NOTCH1: variants seen among roughly 807,000 people sequenced by gnomAD.
NOTCH1 encodes the protein notch receptor 1.
Under a neutral mutation model 254.8 loss-of-function variants are expected in NOTCH1, and 37 were observed. The observed-to-expected ratio is 0.15, with a 90% CI of 0.11 to 0.19. NOTCH1 has a LOEUF of 0.19. Among genes scored for constraint, NOTCH1 ranks in the 10% least tolerant of loss-of-function variants. NOTCH1 has a pLI of 1.00. For synonymous variants in NOTCH1, 1,731 were observed against 1,618.1 expected, an observed-to-expected ratio of 1.07 and a Z score of -1.68; for missense variants, 2,972 against 3,708.6, an observed-to-expected ratio of 0.80 and a Z score of 5.16.
rs1843809665 is a variant in NOTCH1, at chr9:136,545,926, C to A, written c.-140G>T. ...TCTCTTCCCCGGCTGGCTGGCGGCG[C>A]TGTGCTCTCGCAGGCCCCCGGGCCC... On this transcript the variant is annotated 5_prime_UTR_variant, in exon 1 of 34. Transcript: ENST00000651671. This position sits in a 1 kb window ranked among gnomAD's most constrained non-coding sequence, Gnocchi z 6.8. The A allele has an allele frequency of 3.5e-6, 1 of 284,502 alleles. No homozygotes were observed. The highest frequency in any genetic ancestry group is 1.3e-4 in the South Asian group (1 of 7,662). The allele number at this position is 284,502 out of a possible 1,614,324, so 17.6% of individuals were successfully genotyped here. A position where few individuals can be genotyped will look rare whatever the true frequency, so the allele number is the denominator to read the frequency against.
At chr9:136,511,331 GCCA>G in intron 15 of NOTCH1, 60 bp from the exon 16 acceptor site, 2 of 1,544,844 alleles carry the variant, frequency 1.3e-6, no homozygotes, top group Admixed American at 1.9e-5. Context: ...TCCCAAATCG[GCCA>G]CCGCCTGCTG....
rs1843780050 is a variant in NOTCH1 at position 136,544,352 on chromosome 9, G to A, written c.62-250C>T. Among the ~76,000 whole-genome samples the A allele has an allele frequency of 2.0e-5, 3 of 152,336 alleles. No individual in the cohort carries two copies. In the South Asian group the frequency reaches 6.2e-4, roughly 32 times the overall value. ...GAAATGGGGGGAAGGGGAGCAGCAG[G>A]GAACACGTCCTGCTTGAAGCAGGGT... On this transcript the variant is annotated intron_variant, in intron 1 of 33. Transcript: ENST00000651671.
At chr9:136,510,065 G>T in intron 17 of NOTCH1, 104 bp from the exon 18 acceptor site, 1 of 1,129,436 alleles carries the variant, frequency 8.9e-7, no homozygotes, top group Non-Finnish European at 1.3e-6. Context: ...GCCTTTCGTT[G>T]CCGAGGCTGC....
intron 5 of NOTCH1, 81 bp from the exon 6 acceptor site, chr9:136,518,905 C>T (rs1273696655): frequency 5.5e-6 from 7 of 1,264,208 alleles, no homozygotes; most frequent in Non-Finnish European, 8.0e-6. Context: ...GGTGGCAATG[C>T]CGCCCCCTCC....
chr9:136,522,209 C>T (rs1843379721), intron 4 of NOTCH1, among the ~76,000 whole-genome samples: 2 of 152,164 alleles, frequency 1.3e-5, no homozygotes, highest in Admixed American at 1.3e-4. Context: ...CATCTCCTGA[C>T]CTTGTGATCT....
Position 136,505,303 on chromosome 9 carries a change from G to A in NOTCH1, c.4586+7C>T. On this transcript the variant is annotated splice_region_variant and intron_variant, in intron 25 of 33. Transcript: ENST00000651671. ...CTCCCTCAGCCCCATGAGCCCCGCA[G>A]CCTTACTTGCACTGGCCTTCCGCAC... 1 of 1,564,152 alleles carries A rather than the reference G, an allele frequency of 6.4e-7. No individual in the cohort carries two copies. Among genetic ancestry groups the A allele is most frequent in the Non-Finnish European group, 8.7e-7 (1 of 1,154,992 alleles).
Position 136,503,174 on chromosome 9 carries a change from A to G in NOTCH1, c.5167+8T>C. The G allele has an allele frequency of 6.2e-7, 1 of 1,612,678 alleles. No homozygotes were observed. Among genetic ancestry groups the G allele is most frequent in the South Asian group, 1.1e-5 (1 of 91,080 alleles). ...CAGAGCCTGTTCCCGGGATGGGGCC[A>G]CACTTACTCTGCACGGCCTCGATCT... is the stretch of plus-strand genomic sequence containing the variant. On this transcript the variant is annotated splice_region_variant and intron_variant, in intron 27 of 33. Transcript: ENST00000651671.
chr9:136,536,910 G>C lies in NOTCH1; in HGVS notation c.140+7114C>G, dbSNP rs142301087. ...TCTACTTTGCATTCTTACAGCACCA[G>C]GCGTGTGGACGCTCAGTGACCGCGG... On this transcript the variant is annotated intron_variant, in intron 2 of 33. Coordinates refer to ENST00000651671, the MANE Select transcript of NOTCH1 (RefSeq NM_017617.5). Among the ~76,000 whole-genome samples, 317 of 152,376 alleles carry C rather than the reference G, an allele frequency of 2.1e-3. 3 individuals carry two copies. The highest frequency in any genetic ancestry group is 6.6e-3 in the African/African-American group (274 of 41,590).
chr9:136,533,552 C>T (rs531180818), intron 2 of NOTCH1, among the ~76,000 whole-genome samples: 1 of 152,336 alleles, frequency 6.6e-6, no homozygotes, highest in South Asian at 2.1e-4. Flanking sequence ...TCTGTGCCCA[C>T]TCGACGGCCC....
chr9:136,508,466 C>T (rs1420326764), intron 19 of NOTCH1, 81 bp from the exon 20 acceptor site: 17 of 1,584,798 alleles, frequency 1.1e-5, no homozygotes, highest in African/African-American at 1.3e-5. Flanking sequence ...TGCCAAGGGG[C>T]CTACTCCAAC....
chr9:136,502,130 C>G, intron 28 of NOTCH1, 42 bp from the exon 29 acceptor site: 2 of 1,609,496 alleles, frequency 1.2e-6, no homozygotes, highest in Non-Finnish European at 1.7e-6. Flanking sequence ...AGCGAGCTCC[C>G]TAGGAAGCCC....
At chr9:136,516,203 A>G in intron 9 of NOTCH1, 109 bp from the exon 10 acceptor site, 1 of 793,284 alleles carries the variant, frequency 1.3e-6, no homozygotes. Flanking sequence ...TCCCCAGGGC[A>G]CACTCAGCCT....
At position 136,517,293 on chromosome 9, in the gene NOTCH1, A is replaced by C; in HGVS notation, c.1534T>G (p.Phe512Val). 6.2e-7 allele frequency: 1 copy of C among 1,607,196 alleles called. No individual in the cohort carries two copies. Among genetic ancestry groups the C allele is most frequent in the Non-Finnish European group, 8.5e-7 (1 of 1,177,224 alleles). ...TCACCCGTGGGGCACTCGCACTGGA[A>C]CTCATTGATCTTGTCCAGGCAGCGG... ...NGRCLDKINE[F>V]QCECPTGFTG... The change falls in exon 9 of 34, where the codon TTC (phenylalanine) becomes GTC (valine). Residue 512 changes from phenylalanine to valine, a missense_variant. Phe to Val is a conservative substitution (Grantham distance 50). Around this residue, in one of 8 missense-constraint regions of NOTCH1, gnomAD observed 128 missense variants for 193.8 expected, o/e 0.66. Coordinates refer to ENST00000651671, the MANE Select transcript of NOTCH1 (RefSeq NM_017617.5).
In NOTCH1 at chr9:136,496,801, C is replaced by T. The variant is rs371069660; in HGVS notation, c.6938G>A (p.Arg2313Gln). The change falls in exon 34 of 34, where the codon CGG becomes CAG. Residue 2313 changes from arginine (R) to glutamine (Q), a missense_variant. Arg to Gln is a conservative substitution (Grantham distance 43). Around this residue, in one of 8 missense-constraint regions of NOTCH1, gnomAD observed 529 missense variants for 529.2 expected, o/e 1.00. Transcript: ENST00000651671. Reference sequence around the variant, plus strand: ...GTTCGGCACCATGCCGCTCTGCAGCCGGGACAGCCACTCGCATTGACCATT... The same window carrying T: ...GTTCGGCACCATGCCGCTCTGCAGCTGGGACAGCCACTCGCATTGACCATT... Reference protein sequence around the residue: ...SLNGQCEWLSRLQSGMVPNQY... With the variant: ...SLNGQCEWLSQLQSGMVPNQY... 109 of 1,612,794 alleles carry T rather than the reference C, an allele frequency of 6.8e-5. No individual in the cohort carries two copies. Among genetic ancestry groups the T allele is most frequent in the Non-Finnish European group, 8.3e-5 (98 of 1,180,022 alleles).
At chr9:136,535,502 C>A (rs1843633260) in intron 2 of NOTCH1, among the ~76,000 whole-genome samples, 1 of 79,340 alleles carries the variant, frequency 1.3e-5, no homozygotes, top group Non-Finnish European at 2.1e-5. Context: ...GCAATGGGTG[C>A]AGGGTGGGAG....
rs375506915 is a variant in NOTCH1, at chr9:136,544,050, T to C, written c.114A>G (p.Glu38=). 28 of 1,576,978 alleles carry C rather than the reference T, an allele frequency of 1.8e-5. No individual in the cohort carries two copies. The highest frequency in any genetic ancestry group is 2.2e-5 in the Non-Finnish European group (26 of 1,162,352). The change falls in exon 2 of 34, where the codon GAA becomes GAG. Residue 38 remains glutamate (E), a synonymous_variant. Transcript: ENST00000651671. ...GETCLNGGKC[E]AANGTEACVC... Reference sequence around the variant, plus strand: ...CGCAGGCCTCCGTGCCATTGGCCGCTTCACACTTCCCGCCATTCAGGCAGG... The same window carrying C: ...CGCAGGCCTCCGTGCCATTGGCCGCCTCACACTTCCCGCCATTCAGGCAGG...
chr9:136,523,566 T>C (rs1843410213), intron 3 of NOTCH1, 151 bp downstream of exon 3: 1 of 998,976 alleles, frequency 1.0e-6, no homozygotes, highest in Non-Finnish European at 1.5e-6. Context: ...ATTCCAGGTC[T>C]GGGAGGGGGG....
intron 2 of NOTCH1, among the ~76,000 whole-genome samples, chr9:136,527,710 G>A (rs549605219): frequency 2.0e-5 from 3 of 152,316 alleles, no homozygotes; most frequent in East Asian, 1.9e-4. Context: ...CCTTCCGTGC[G>A]TCCCTCTTAG....
In NOTCH1 at chr9:136,502,058, G is replaced by C. The variant is rs745889885; in HGVS notation, c.5415C>G (p.Leu1805=). 1 of 1,613,374 alleles carries C rather than the reference G, an allele frequency of 6.2e-7. No homozygotes were observed. The highest frequency in any genetic ancestry group is 1.1e-5 in the South Asian group (1 of 91,082). Residue 1805 remains leucine, a synonymous_variant, in exon 29 of 34, where the codon CTC becomes CTG. Coordinates refer to ENST00000651671, the MANE Select transcript of NOTCH1 (RefSeq NM_017617.5). ...KPLKNASDGA[L]MDDNQNEWGD... is the part of the protein sequence containing the mutation. ...CCCACTCATTCTGGTTGTCGTCCATGAGGGCACCGTCTGAAGCGTTCTTCA... is the reference window on the plus strand; with the variant it reads ...CCCACTCATTCTGGTTGTCGTCCATCAGGGCACCGTCTGAAGCGTTCTTCA...
Sources: gnomAD v4.1 joint callset for allele counts (sites outside exome capture counted in the v4.1 genomes callset) on GRCh38, gnomAD v4.1.1 for gene constraint, gnomAD v4.1.1 regional missense constraint, Gnocchi (gnomAD v3.1) non-coding constraint, MANE v1.5 for transcripts, NCBI Gene and HGNC (gene_info 2026-07-23, HGNC 2026-07-21) for gene names.